The following DPP6 variants were observed in gnomAD, a reference collection of about 807,000 sequenced individuals.
The protein encoded by DPP6 is A-type potassium channel modulatory protein DPP6.
A neutral mutation model predicts 122.6 loss-of-function variants in DPP6; 69 were observed. The ratio of observed to expected loss-of-function variants is 0.56; its 90% CI spans 0.46 to 0.69. DPP6 has a LOEUF of 0.69. DPP6 is among the 30% of genes least tolerant of loss of function. DPP6 has a pLI of 0.00. For missense variants in DPP6, 928 were observed against 1,116.9 expected (o/e 0.83, Z 2.41); for synonymous variants, 418 against 433.1 (o/e 0.97, Z 0.43).
chr7:154,617,537 C>G (rs1834342866), intron 5 of DPP6, among the ~76,000 whole-genome samples: 1 of 152,196 alleles, frequency 6.6e-6, no homozygotes, highest in African/African-American at 2.4e-5. Flanking sequence ...CCACCAGACT[C>G]TATTTTCTCT....
At chr7:154,264,386 C>G (rs1334394425) in intron 1 of DPP6, among the ~76,000 whole-genome samples, 1 of 152,120 alleles carries the variant, frequency 6.6e-6, no homozygotes, top group Non-Finnish European at 1.5e-5. Context: ...CGATTAAGAA[C>G]AATGGCTCCA....
chr7:154,493,203 G>C (rs900135654), intron 3 of DPP6, among the ~76,000 whole-genome samples: 1 of 152,180 alleles, frequency 6.6e-6, no homozygotes, highest in Non-Finnish European at 1.5e-5. Context: ...TGAAGTTTAT[G>C]CTTCAATAAC....
intron 1 of DPP6, among the ~76,000 whole-genome samples, chr7:154,204,676 G>T (rs562940527): frequency 1.3e-5 from 2 of 152,242 alleles, no homozygotes; most frequent in African/African-American, 4.8e-5. Context: ...GCGTGGTTAA[G>T]TAGGGGGAAA....
intron 10 of DPP6, among the ~76,000 whole-genome samples, chr7:154,781,332 T>G (rs1334574816): frequency 6.6e-6 from 1 of 152,142 alleles, no homozygotes; most frequent in Non-Finnish European, 1.5e-5. Context: ...ATTAAATTGT[T>G]GAAAAAGGAT....
At chr7:154,718,558 C>G (rs1049147684) in intron 7 of DPP6, among the ~76,000 whole-genome samples, 72 of 151,970 alleles carry the variant, frequency 4.7e-4, no homozygotes, top group African/African-American at 1.1e-3. Context: ...CACACCCCCC[C>G]CAACTTTAGT....
intron 4 of DPP6, among the ~76,000 whole-genome samples, chr7:154,555,907 A>C (rs1830004653): frequency 6.6e-6 from 1 of 152,080 alleles, no homozygotes; most frequent in Non-Finnish European, 1.5e-5. Context: ...TAAATAAGAA[A>C]ACAATATTTA....
chr7:154,195,140 G>C (rs1179910115), intron 1 of DPP6, among the ~76,000 whole-genome samples: 1 of 152,124 alleles, frequency 6.6e-6, no homozygotes, highest in Admixed American at 6.5e-5. Flanking sequence ...TTCATTTTGA[G>C]ATAATTGTAT....
the DPP6 span, among the ~76,000 whole-genome samples, chr7:153,861,639 G>A: frequency 3.3e-5 from 5 of 152,128 alleles, no homozygotes; most frequent in African/African-American, 1.2e-4. Flanking sequence ...AAGATATGAG[G>A]GAAATGCAAT....
chr7:153,879,166 G>A, the DPP6 span, among the ~76,000 whole-genome samples: 1 of 152,100 alleles, frequency 6.6e-6, no homozygotes, highest in Admixed American at 6.5e-5. Flanking sequence ...TGAATGCACT[G>A]GAGAAGGGAA....
the DPP6 span, among the ~76,000 whole-genome samples, chr7:153,766,993 T>C: frequency 1.3e-5 from 2 of 151,998 alleles, no homozygotes; most frequent in African/African-American, 4.8e-5. Flanking sequence ...GGCCCTAAGT[T>C]GAGGAAAGTC....
intron 7 of DPP6, among the ~76,000 whole-genome samples, chr7:154,679,576 G>T (rs1839156651): frequency 1.3e-5 from 2 of 152,208 alleles, no homozygotes; most frequent in South Asian, 2.1e-4. Flanking sequence ...AGCAAAGGGG[G>T]CAGGGAGCAC....
At position 154,480,452 on chromosome 7, in the gene DPP6, C is replaced by A. The variant is rs1312460096; in HGVS notation, c.457+5415C>A. ...CTCAGACCCCAACTTATTTTACCTG[C>A]CAGCAGCATTGGACACCATTGATTC... On this transcript the variant is annotated intron_variant, in intron 3 of 25. Coordinates refer to ENST00000377770, the MANE Select transcript of DPP6 (RefSeq NM_130797.4). Among the ~76,000 whole-genome samples, 4 of 152,196 alleles carry A rather than the reference C, an allele frequency of 2.6e-5. No homozygotes were observed. The East Asian group carries it at 7.7e-4, about 29-fold the overall frequency.
chr7:154,357,408 G>A (rs941785834), intron 1 of DPP6, among the ~76,000 whole-genome samples: 5 of 151,806 alleles, frequency 3.3e-5, no homozygotes, highest in African/African-American at 9.7e-5. Flanking sequence ...TCAATTGCAT[G>A]CAATTTTATT....
At chr7:154,743,574 A>C (rs1046049050) in intron 8 of DPP6, among the ~76,000 whole-genome samples, 9 of 152,244 alleles carry the variant, frequency 5.9e-5, no homozygotes, top group Non-Finnish European at 1.0e-4. Flanking sequence ...AAAGTCTGCC[A>C]GGGCTAGAGG....
At chr7:154,516,693 A>G (rs891066574) in intron 3 of DPP6, among the ~76,000 whole-genome samples, 1 of 152,240 alleles carries the variant, frequency 6.6e-6, no homozygotes, top group African/African-American at 2.4e-5. Flanking sequence ...CAAAAATAAT[A>G]AAATGAAAAT....
the DPP6 span, among the ~76,000 whole-genome samples, chr7:153,863,475 T>TA: frequency 2.6e-5 from 4 of 152,108 alleles, no homozygotes; most frequent in African/African-American, 4.8e-5. Context: ...TCTTTTTTTT[T>TA]AACAGCTTTG....
chr7:154,447,062 T>C lies in DPP6; in HGVS notation c.358+734T>C, dbSNP rs1819940002. 2.0e-5 allele frequency among the ~76,000 whole-genome samples: 3 copies of C among 152,078 alleles called. No homozygotes were observed. In the South Asian group the frequency reaches 6.2e-4, roughly 32 times the overall value. ...GGCTTATGCCTGTAATCCCAGTACT[T>C]TGGGGGACTGAGGCGGGTAGATCGC... On this transcript the variant is annotated intron_variant, in intron 2 of 25. Coordinates refer to ENST00000377770, the MANE Select transcript of DPP6 (RefSeq NM_130797.4).
intron 1 of DPP6, among the ~76,000 whole-genome samples, chr7:154,128,500 C>G (rs1033467361): frequency 1.1e-4 from 17 of 152,146 alleles, no homozygotes; most frequent in Non-Finnish European, 2.1e-4. Flanking sequence ...CTCCTGGGTT[C>G]ACGCCATTCT....
intron 1 of DPP6, among the ~76,000 whole-genome samples, chr7:153,932,580 A>G (rs1201692120): frequency 1.3e-5 from 2 of 152,242 alleles, no homozygotes. Flanking sequence ...TGTGGCAAGA[A>G]CAAACAAGAT....
Sources: gnomAD v4.1 joint callset for allele counts (sites outside exome capture counted in the v4.1 genomes callset) on GRCh38, gnomAD v4.1.1 for gene constraint, MANE v1.5 for transcripts, NCBI Gene and HGNC (gene_info 2026-07-23, HGNC 2026-07-21) for gene names.